INTU: variants seen among roughly 807,000 people sequenced by gnomAD.
The protein encoded by INTU is protein inturned.
Under a neutral mutation model 100.5 loss-of-function variants are expected in INTU, and 68 were observed. The observed-to-expected ratio is 0.68, with a 90% confidence interval of 0.56 to 0.83. The LOEUF (loss-of-function observed/expected upper bound fraction) is 0.83. INTU is among the 40% of genes least tolerant of loss of function. The pLI is 0.00. For missense variants in INTU, 1,071 were observed against 1,114.7 expected (o/e 0.96, Z 0.56); for synonymous variants, 357 against 395.7 (o/e 0.90, Z 1.16).
chr4:127,637,771 A>G (rs1262528918), intron 1 of INTU, among the ~76,000 whole-genome samples: 3 of 152,220 alleles, frequency 2.0e-5, no homozygotes, highest in Non-Finnish European at 2.9e-5. Flanking sequence ...GTTAGATTGT[A>G]TCACTAATTT....
At position 127,689,851 on chromosome 4, in the gene INTU, C is replaced by A. The variant is rs1176297012; in HGVS notation, c.1449+1984C>A. Among the ~76,000 whole-genome samples the A allele has an allele frequency of 2.0e-5, 3 of 152,084 alleles. No individual in the cohort carries two copies. The East Asian group carries it at 5.8e-4, about 29-fold the overall frequency. Reference sequence around the variant, plus strand: ...AACTTTACCTTTAAAAGAGAAAGACCCTGGTTCCAAAGACTGTCTCATGCC... The same window carrying A: ...AACTTTACCTTTAAAAGAGAAAGACACTGGTTCCAAAGACTGTCTCATGCC... On this transcript the variant is annotated intron_variant, in intron 8 of 15. Transcript: ENST00000335251.
intron 14 of INTU, among the ~76,000 whole-genome samples, chr4:127,712,664 C>T (rs1731135234): frequency 6.6e-6 from 1 of 152,132 alleles, no homozygotes; most frequent in Admixed American, 6.5e-5. Context: ...GTGGGAGTGA[C>T]TATTTTGAAA....
rs867924459 is a variant in INTU, at chr4:127,704,264, A to G, written c.1540A>G (p.Ile514Val). The change falls in exon 10 of 16, where the codon ATT (isoleucine) becomes GTT (valine). Residue 514 changes from isoleucine (I) to valine (V), a missense_variant. Physicochemically the swap from Ile to Val is conservative, Grantham distance 29. Coordinates refer to ENST00000335251, the MANE Select transcript of INTU (RefSeq NM_015693.4). ...DYYDMRRLYT[I>V]LGSSLFYKGY... ...CTATGACATGAGGCGGCTGTATACA[A>G]TTTTGGGGTCTTCTCTATTTTACAA... is the stretch of plus-strand genomic sequence containing the variant. 7 of 1,610,852 alleles carry G rather than the reference A, an allele frequency of 4.3e-6. No individual in the cohort carries two copies. In the East Asian group the frequency reaches 1.3e-4, roughly 31 times the overall value.
rs1731288771 is a variant in INTU, at chr4:127,717,739, G to A, written c.*1303G>A. 2.0e-5 allele frequency: 3 copies of A among 152,190 alleles called. No homozygotes were observed. In the South Asian group the frequency reaches 6.2e-4, roughly 32 times the overall value. 9.4% of individuals were successfully genotyped at this position (152,190 alleles called of 1,614,324 possible). ...TTGATTTGCATTTCTCTAACAATCAGTGATATTGAGCTTTTTTTTCATATG... is the reference window on the plus strand; with the variant it reads ...TTGATTTGCATTTCTCTAACAATCAATGATATTGAGCTTTTTTTTCATATG... On this transcript the variant is annotated 3_prime_UTR_variant, in exon 16 of 16. Coordinates refer to ENST00000335251, the MANE Select transcript of INTU (RefSeq NM_015693.4).
chr4:127,654,116 C>T (rs1387637845), intron 2 of INTU, among the ~76,000 whole-genome samples: 15 of 150,794 alleles, frequency 9.9e-5, no homozygotes, highest in African/African-American at 3.2e-4. Context: ...CTATGTGTGT[C>T]TCTGCACGTG....
intron 2 of INTU, among the ~76,000 whole-genome samples, chr4:127,646,780 A>G (rs1727611093): frequency 6.6e-6 from 1 of 152,162 alleles, no homozygotes; most frequent in South Asian, 2.1e-4. Context: ...AATTCTCTCT[A>G]GTTTGGTGCC....
At chr4:127,651,126 T>A (rs1727849391) in intron 2 of INTU, among the ~76,000 whole-genome samples, 1 of 152,088 alleles carries the variant, frequency 6.6e-6, no homozygotes, top group African/African-American at 2.4e-5. Flanking sequence ...TAGCCCTTTG[T>A]CAGATGAGTA....
chr4:127,640,578 TATATATATATATAC>T lies in INTU; in HGVS notation c.147-2937_147-2924del, dbSNP rs1477994554. Among the ~76,000 whole-genome samples, 127 of 53,684 alleles carry T rather than the reference TATATATATATATAC, an allele frequency of 2.4e-3. 6 individuals carry two copies. The highest frequency in any genetic ancestry group is 6.6e-3 in the African/African-American group (95 of 14,434). The allele number at this position is 53,684 out of a possible 152,430, so 35.2% of individuals were successfully genotyped here. A position where few individuals can be genotyped will look rare whatever the true frequency, so the allele number is the denominator to read the frequency against. On this transcript the variant is annotated intron_variant, in intron 1 of 15. Transcript: ENST00000335251. ...ATATATATATATATATATATATATA[TATATATATATATAC>T]ATATACATAAACACACATGTGTATA...
chr4:127,713,836 C>G (rs1384664846), intron 14 of INTU, 100 bp from the exon 15 acceptor site: 3 of 770,892 alleles, frequency 3.9e-6, no homozygotes, highest in East Asian at 2.6e-5. Flanking sequence ...ATTGCAGGCA[C>G]TGAAGTATTT....
intron 2 of INTU, among the ~76,000 whole-genome samples, chr4:127,654,899 T>G (rs1466430951): frequency 3.5e-5 from 5 of 144,412 alleles, no homozygotes; most frequent in African/African-American, 1.3e-4. Flanking sequence ...TAGTCCCATA[T>G]TTCTTGGAGG....
In INTU at chr4:127,643,894, A is replaced by G; in HGVS notation, c.520A>G (p.Lys174Glu). The G allele has an allele frequency of 6.2e-7, 1 of 1,614,210 alleles. No homozygotes were observed. Among genetic ancestry groups the G allele is most frequent in the African/African-American group, 1.3e-5 (1 of 75,058 alleles). Residue 174 changes from lysine (K) to glutamate (E), a missense_variant, in exon 2 of 16, where the codon AAA (lysine) becomes GAA (glutamate). Physicochemically the swap from Lys to Glu is moderately conservative, Grantham distance 56 (BLOSUM62 1). Coordinates refer to ENST00000335251, the MANE Select transcript of INTU (RefSeq NM_015693.4). The part of the protein sequence containing the change: ...YVNPKKLTVI[K>E]AKEQLKLLEV... ...AAACCCCAAAAAGCTAACTGTTATC[A>G]AAGCCAAAGAGCAGCTCAAGCTTCT...
chr4:127,708,886 A>G (rs1453490005), intron 13 of INTU, among the ~76,000 whole-genome samples: 1 of 152,224 alleles, frequency 6.6e-6, no homozygotes, highest in African/African-American at 2.4e-5. Context: ...TAATATTTCA[A>G]AATGTGAAAG....
intron 9 of INTU, among the ~76,000 whole-genome samples, chr4:127,700,536 G>T (rs1011257265): frequency 6.6e-6 from 1 of 152,094 alleles, no homozygotes; most frequent in Non-Finnish European, 1.5e-5. Flanking sequence ...AAGGAACCAG[G>T]ACTCCTCAAG....
chr4:127,701,505 A>G (rs890941891), intron 9 of INTU, among the ~76,000 whole-genome samples: 1 of 152,182 alleles, frequency 6.6e-6, no homozygotes, highest in Non-Finnish European at 1.5e-5. Flanking sequence ...TTAGATGAAA[A>G]TAATTCTTTA....
At position 127,721,882 on chromosome 4, in the gene INTU, C is replaced by T. The variant is rs1357491956; in HGVS notation, c.*5446C>T. The T allele has an allele frequency of 1.3e-5, 2 of 152,092 alleles. No homozygotes were observed. Among genetic ancestry groups the T allele is most frequent in the African/African-American group, 4.8e-5 (2 of 41,380 alleles). 9.4% of individuals were successfully genotyped at this position (152,092 alleles called of 1,614,324 possible). ...GCTCCTATAATGTTTTATTATGGTT[C>T]TTAGCTTCTTTGCAGTGAGTTAGAA... On this transcript the variant is annotated 3_prime_UTR_variant, in exon 16 of 16. Transcript: ENST00000335251.
intron 2 of INTU, among the ~76,000 whole-genome samples, chr4:127,654,038 T>A (rs1389417265): frequency 1.3e-5 from 2 of 151,212 alleles, no homozygotes. Flanking sequence ...GAGACTAGGA[T>A]TGAAACCCCT....
chr4:127,669,873 A>G (rs1380056435), intron 5 of INTU, among the ~76,000 whole-genome samples: 1 of 151,886 alleles, frequency 6.6e-6, no homozygotes, highest in Non-Finnish European at 1.5e-5. Context: ...ACCTAGGAAA[A>G]ATGCTTCTGG....
intron 6 of INTU, among the ~76,000 whole-genome samples, chr4:127,678,010 G>C (rs1318328193): frequency 6.6e-6 from 1 of 152,128 alleles, no homozygotes; most frequent in East Asian, 1.9e-4. Context: ...AGTGATGGAA[G>C]ATGAAATGAA....
intron 2 of INTU, among the ~76,000 whole-genome samples, chr4:127,651,081 T>C (rs1469648383): frequency 5.3e-5 from 8 of 152,138 alleles, no homozygotes; most frequent in Admixed American, 5.2e-4. Context: ...TTTTTTCTTG[T>C]AAATTTGTTT....
Sources: allele counts gnomAD v4.1 joint callset (sites outside exome capture counted in the v4.1 genomes callset), GRCh38; gene constraint gnomAD v4.1.1; transcripts MANE v1.5; gene names NCBI Gene and HGNC (gene_info 2026-07-23, HGNC 2026-07-21).